The following NALF1 variants were observed in gnomAD, a reference collection of about 807,000 sequenced individuals.
NALF1 encodes the protein NALCN channel auxiliary factor 1.
Under a neutral mutation model 48.4 loss-of-function variants are expected in NALF1, and 3 were observed. The ratio of observed to expected loss-of-function variants is 0.06; its 90% CI spans 0.03 to 0.16. The LOEUF is 0.16. NALF1 is among the 10% of genes least tolerant of loss of function. The pLI, the probability that NALF1 is intolerant of heterozygous loss-of-function variation, is 1.00. For missense variants in NALF1, 526 were observed against 571.5 expected, an observed-to-expected ratio of 0.92 and a Z score of 0.81; for synonymous variants, 262 against 245.7, an observed-to-expected ratio of 1.07 and a Z score of -0.62.
At chr13:107,730,248 T>C (rs1876272340) in intron 1 of NALF1, among the ~76,000 whole-genome samples, 1 of 152,204 alleles carries the variant, frequency 6.6e-6, no homozygotes, top group Non-Finnish European at 1.5e-5. Flanking sequence ...TTATTGAAAA[T>C]ATTGCAGATA....
chr13:107,455,860 ACT>A (rs1884816028), intron 1 of NALF1, among the ~76,000 whole-genome samples: 2 of 141,090 alleles, frequency 1.4e-5, no homozygotes, highest in Non-Finnish European at 3.0e-5. Flanking sequence ...TAGCTCGATA[ACT>A]CTTTTTTTTT....
chr13:107,644,828 G>C (rs1191861798), intron 1 of NALF1, among the ~76,000 whole-genome samples: 2 of 151,720 alleles, frequency 1.3e-5, no homozygotes, highest in Non-Finnish European at 1.5e-5. Context: ...CCACCACCCA[G>C]ATCAGTGATG....
At chr13:107,183,821 C>T (rs1480194308) in intron 2 of NALF1, among the ~76,000 whole-genome samples, 2 of 152,212 alleles carry the variant, frequency 1.3e-5, no homozygotes, top group Non-Finnish European at 1.5e-5. Flanking sequence ...GAGAGGGTAG[C>T]TTCACACACC....
chr13:107,826,605 G>A (rs1165209704), intron 1 of NALF1, among the ~76,000 whole-genome samples: 2 of 152,204 alleles, frequency 1.3e-5, no homozygotes, highest in African/African-American at 4.8e-5. Flanking sequence ...AGTAAGTTTA[G>A]CAGACTCCTT....
intron 1 of NALF1, among the ~76,000 whole-genome samples, chr13:107,667,126 CTAATT>C (rs1454024416): frequency 3.9e-5 from 6 of 151,970 alleles, no homozygotes; most frequent in African/African-American, 9.7e-5. Flanking sequence ...CTCCTTCCAC[CTAATT>C]TAATTGCTCA....
chr13:107,397,219 T>A (rs1276701405), intron 1 of NALF1, among the ~76,000 whole-genome samples: 1 of 152,200 alleles, frequency 6.6e-6, no homozygotes, highest in Non-Finnish European at 1.5e-5. Flanking sequence ...TTGCTCATCC[T>A]CTGCAGCAAT....
At chr13:107,671,146 G>A (rs1483911580) in intron 1 of NALF1, among the ~76,000 whole-genome samples, 1 of 152,018 alleles carries the variant, frequency 6.6e-6, no homozygotes, top group African/African-American at 2.4e-5. Flanking sequence ...TTAAAACAAT[G>A]AATAATAAGT....
At chr13:107,624,935 G>A (rs187810026) in intron 1 of NALF1, among the ~76,000 whole-genome samples, 13 of 152,276 alleles carry the variant, frequency 8.5e-5, no homozygotes, top group Admixed American at 2.6e-4. Context: ...TCACTCAAAT[G>A]TTCTAACCCG....
intron 1 of NALF1, among the ~76,000 whole-genome samples, chr13:107,261,767 G>C (rs1402226322): frequency 6.6e-6 from 1 of 152,148 alleles, no homozygotes; most frequent in Non-Finnish European, 1.5e-5. Flanking sequence ...TGACCCTAGA[G>C]ATGAACCTGC....
At chr13:107,248,517 T>C (rs2138841784) in intron 1 of NALF1, among the ~76,000 whole-genome samples, 1 of 150,578 alleles carries the variant, frequency 6.6e-6, no homozygotes, top group African/African-American at 2.4e-5. Context: ...AAAGAAAGGT[T>C]AACAGTAAAG....
chr13:107,443,185 T>G (rs909605964), intron 1 of NALF1, among the ~76,000 whole-genome samples: 1 of 144,048 alleles, frequency 6.9e-6, no homozygotes, highest in East Asian at 1.9e-4. Flanking sequence ...TCTATCTATC[T>G]ATCTATCTAT....
At chr13:107,555,700 A>C (rs1201908825) in intron 1 of NALF1, among the ~76,000 whole-genome samples, 4 of 151,912 alleles carry the variant, frequency 2.6e-5, no homozygotes, top group Non-Finnish European at 5.9e-5. Context: ...GCTTATTCAA[A>C]TTGCTTTATT....
At chr13:107,639,345 C>T (rs1029245864) in intron 1 of NALF1, among the ~76,000 whole-genome samples, 2 of 152,052 alleles carry the variant, frequency 1.3e-5, no homozygotes, top group African/African-American at 4.8e-5. Flanking sequence ...ACAAACTCAC[C>T]TTCCTTTCTC....
intron 1 of NALF1, among the ~76,000 whole-genome samples, chr13:107,341,760 A>ATG (rs967115450): frequency 1.1e-4 from 16 of 150,566 alleles, no homozygotes; most frequent in Admixed American, 3.3e-4. Context: ...ACCATCTATA[A>ATG]TGTGTGTGTG....
intron 1 of NALF1, among the ~76,000 whole-genome samples, chr13:107,381,637 G>A (rs1428624699): frequency 1.3e-5 from 2 of 152,086 alleles, no homozygotes; most frequent in African/African-American, 4.8e-5. Context: ...AGACGTTGGG[G>A]ACTCCTGAAT....
At chr13:107,226,273 C>T (rs1489353013) in intron 1 of NALF1, among the ~76,000 whole-genome samples, 1 of 152,076 alleles carries the variant, frequency 6.6e-6, no homozygotes, top group Non-Finnish European at 1.5e-5. Flanking sequence ...GGCAAAAATA[C>T]GGTTTTATTT....
At chr13:107,490,101 A>G (rs114998915) in intron 1 of NALF1, among the ~76,000 whole-genome samples, 2,799 of 152,316 alleles carry the variant, frequency 0.018, 101 homozygotes, top group African/African-American at 0.064. Context: ...GTTGTGGAGA[A>G]AAAGGAACGC....
chr13:107,202,615 CTTCTT>C (rs574012849), intron 2 of NALF1, among the ~76,000 whole-genome samples: 186 of 152,210 alleles, frequency 1.2e-3, no homozygotes, highest in African/African-American at 4.2e-3. Context: ...CCTAGACAGT[CTTCTT>C]TTCTTTATTT....
intron 1 of NALF1, among the ~76,000 whole-genome samples, chr13:107,717,299 T>C (rs1219021479): frequency 6.6e-6 from 1 of 152,226 alleles, no homozygotes; most frequent in Non-Finnish European, 1.5e-5. Flanking sequence ...TCCCCAAGTG[T>C]GGTGCCCCAA....
Sources: allele counts gnomAD v4.1 joint callset (sites outside exome capture counted in the v4.1 genomes callset), GRCh38; gene constraint gnomAD v4.1.1; transcripts MANE v1.5; gene names NCBI Gene and HGNC (gene_info 2026-07-23, HGNC 2026-07-21).